The following KLHL6 variants were observed in gnomAD, a reference collection of about 807,000 sequenced individuals.
KLHL6 encodes kelch like family member 6.
Under a neutral mutation model 58.6 loss-of-function variants are expected in KLHL6, and 41 were observed. The observed-to-expected ratio is 0.70, with a 90% CI of 0.55 to 0.91. The LOEUF is 0.91. KLHL6 is among the 40% of genes least tolerant of loss of function. The probability of loss-of-function intolerance (pLI) is 0.00; values close to 1 mark genes in which losing one functional copy is unlikely to be tolerated. For synonymous variants in KLHL6, 338 were observed against 322.7 expected, an observed-to-expected ratio of 1.05 and a Z score of -0.51; for missense variants, 714 against 805.6, an observed-to-expected ratio of 0.89 and a Z score of 1.38.
intron 4 of KLHL6, among the ~76,000 whole-genome samples, chr3:183,495,959 A>T (rs1717702321): frequency 6.6e-6 from 1 of 152,230 alleles, no homozygotes; most frequent in South Asian, 2.1e-4. Flanking sequence ...GATAAAGATT[A>T]AGTTAGATAC....
intron 1 of KLHL6, among the ~76,000 whole-genome samples, chr3:183,547,552 A>G (rs149904095): frequency 3.9e-5 from 6 of 152,216 alleles, no homozygotes; most frequent in East Asian, 3.9e-4. Context: ...CATAATGACT[A>G]TTTATTATAT....
chr3:183,493,397 T>C (rs1717627609), intron 5 of KLHL6: 1 of 154,272 alleles, frequency 6.5e-6, no homozygotes, highest in South Asian at 2.0e-4. Context: ...CTGACAGTCT[T>C]GGCTAGATGT....
At position 183,494,122 on chromosome 3, in the gene KLHL6, T is replaced by A; in HGVS notation, c.1307A>T (p.Asn436Ile). Residue 436 changes from asparagine to isoleucine, a missense_variant, in exon 5 of 7, where the codon AAC becomes ATC. Asn to Ile is a moderately radical substitution (Grantham distance 149). Coordinates refer to ENST00000341319, the MANE Select transcript of KLHL6 (RefSeq NM_130446.4). ...AAAGGGGTCGTAGGTCTCCACATTG[T>A]TGATTCTCTGTAAGCCGTCAAAGCC... ...IGGFDGLQRI[N>I]NVETYDPFHN... is the part of the protein sequence containing the mutation. 6.2e-7 allele frequency: 1 copy of A among 1,614,218 alleles called. No individual in the cohort carries two copies. The highest frequency in any genetic ancestry group is 8.5e-7 in the Non-Finnish European group (1 of 1,180,048).
At chr3:183,533,768 C>G (rs1712234496) in intron 1 of KLHL6, among the ~76,000 whole-genome samples, 1 of 151,964 alleles carries the variant, frequency 6.6e-6, no homozygotes, top group African/African-American at 2.4e-5. Flanking sequence ...CCCCCTCTGT[C>G]CTTCCGCCTC....
At chr3:183,541,312 G>A (rs909622984) in intron 1 of KLHL6, among the ~76,000 whole-genome samples, 52 of 152,322 alleles carry the variant, frequency 3.4e-4, no homozygotes, top group African/African-American at 1.1e-3. Context: ...AATCCAGAGG[G>A]AAAGGGACAG....
chr3:183,490,949 G>C lies in KLHL6; in HGVS notation c.*978C>G, dbSNP rs7644322. ...TGGCAAGGAGCCCAAATGACTCCTT[G>C]GTTTAAATATTGGTAAAGGGCGGGG... On this transcript the variant is annotated 3_prime_UTR_variant, in exon 7 of 7. Transcript: ENST00000341319. 6.6e-6 allele frequency: 1 copy of C among 151,928 alleles called. No individual in the cohort carries two copies. Among genetic ancestry groups the C allele is most frequent in the Non-Finnish European group, 1.5e-5 (1 of 68,000 alleles). The allele number at this position is 151,928 out of a possible 1,614,324, so 9.4% of individuals were successfully genotyped here.
intron 1 of KLHL6, among the ~76,000 whole-genome samples, chr3:183,553,872 C>T (rs1328620639): frequency 6.6e-6 from 1 of 151,998 alleles, no homozygotes; most frequent in Non-Finnish European, 1.5e-5. Context: ...TCCCTCAAAC[C>T]CAGATATCCC....
At chr3:183,498,187 T>C (rs1158066532) in intron 4 of KLHL6, among the ~76,000 whole-genome samples, 1 of 152,056 alleles carries the variant, frequency 6.6e-6, no homozygotes, top group Non-Finnish European at 1.5e-5. Flanking sequence ...TGAGCCGAGA[T>C]CACGCCACTG....
chr3:183,544,749 AACACAC>A (rs36060782), intron 1 of KLHL6: 8,785 of 114,768 alleles, frequency 0.077, 434 homozygotes, highest in African/African-American at 0.16. Context: ...CTGTCTCTCA[AACACAC>A]ACACACACAC....
intron 1 of KLHL6, among the ~76,000 whole-genome samples, chr3:183,541,603 G>A (rs1011422944): frequency 6.6e-5 from 10 of 152,184 alleles, no homozygotes; most frequent in African/African-American, 2.2e-4. Flanking sequence ...TACTTGGGAG[G>A]CCAAGGCAGG....
chr3:183,526,735 A>G (rs1379819250), intron 2 of KLHL6, among the ~76,000 whole-genome samples: 1 of 152,188 alleles, frequency 6.6e-6, no homozygotes, highest in Non-Finnish European at 1.5e-5. Flanking sequence ...TCATCACTTG[A>G]GAGAAAATTA....
At chr3:183,535,997 A>C (rs2108689780) in intron 1 of KLHL6, among the ~76,000 whole-genome samples, 1 of 152,266 alleles carries the variant, frequency 6.6e-6, no homozygotes, top group South Asian at 2.1e-4. Context: ...GATGGTCTCG[A>C]TCTCCTGACC....
At chr3:183,542,890 G>GGGTT (rs1183650000) in intron 1 of KLHL6, among the ~76,000 whole-genome samples, 3 of 150,600 alleles carry the variant, frequency 2.0e-5, no homozygotes, top group African/African-American at 7.3e-5. Flanking sequence ...ATGGATGGAT[G>GGGTT]GATGGATGGA....
chr3:183,531,443 G>GTTTTTTTTT (rs59579259), intron 1 of KLHL6, among the ~76,000 whole-genome samples: 12 of 90,360 alleles, frequency 1.3e-4, no homozygotes, highest in African/African-American at 4.8e-4. Context: ...TTTTGTCTGT[G>GTTTTTTTTT]TTTTTTTTTT....
intron 4 of KLHL6, among the ~76,000 whole-genome samples, chr3:183,498,683 C>T (rs927422038): frequency 2.6e-5 from 4 of 152,104 alleles, no homozygotes; most frequent in African/African-American, 4.8e-5. Flanking sequence ...GTTGAGACTG[C>T]GTCATTCAAT....
At chr3:183,536,069 T>C (rs986010227) in intron 1 of KLHL6, among the ~76,000 whole-genome samples, 3 of 152,194 alleles carry the variant, frequency 2.0e-5, no homozygotes, top group Non-Finnish European at 2.9e-5. Flanking sequence ...CCACTGTGCC[T>C]GGCCCCAAAT....
At chr3:183,539,866 T>C (rs535689840) in intron 1 of KLHL6, among the ~76,000 whole-genome samples, 1 of 152,214 alleles carries the variant, frequency 6.6e-6, no homozygotes, top group Non-Finnish European at 1.5e-5. Flanking sequence ...CCATTGCTGA[T>C]GCCTCAGCTT....
intron 1 of KLHL6, among the ~76,000 whole-genome samples, chr3:183,535,448 T>C (rs1014966460): frequency 3.3e-5 from 5 of 152,084 alleles, no homozygotes; most frequent in African/African-American, 7.2e-5. Context: ...TAAATAAATA[T>C]ATGGGAAACA....
intron 1 of KLHL6, among the ~76,000 whole-genome samples, chr3:183,531,535 C>T (rs1712164357): frequency 6.8e-6 from 1 of 148,076 alleles, no homozygotes; most frequent in Non-Finnish European, 1.5e-5. Flanking sequence ...CTGCAAACTC[C>T]ACCTCCCGGG....
Sources: allele counts gnomAD v4.1 joint callset (sites outside exome capture counted in the v4.1 genomes callset), GRCh38; gene constraint gnomAD v4.1.1; transcripts MANE v1.5; gene names NCBI Gene and HGNC (gene_info 2026-07-23, HGNC 2026-07-21).